EYS: variants seen among roughly 807,000 people sequenced by gnomAD.
EYS encodes the protein EGF-like photoreceptor maintenance factor.
In EYS, 250 loss-of-function variants were observed where a neutral mutation model predicts 282.1. The ratio of observed to expected loss-of-function variants is 0.89; its 90% CI spans 0.80 to 0.98. EYS has a LOEUF of 0.98. EYS is among the 50% of genes least tolerant of loss of function. The pLI is 0.00. For synonymous variants in EYS, 1,355 were observed against 1,282.9 expected (o/e 1.06, Z -1.20); for missense variants, 4,016 against 3,709.0 (o/e 1.08, Z -2.15).
At chr6:65,440,901 A>AAT (rs965467855) in intron 5 of EYS, among the ~76,000 whole-genome samples, 2 of 147,170 alleles carry the variant, frequency 1.4e-5, no homozygotes, top group African/African-American at 4.9e-5. Flanking sequence ...GTTTATGTAT[A>AAT]ATATATATAT....
chr6:64,914,172 C>A (rs1383210524), intron 15 of EYS, among the ~76,000 whole-genome samples: 1 of 151,970 alleles, frequency 6.6e-6, no homozygotes, highest in African/African-American at 2.4e-5. Context: ...TATAGTGAAG[C>A]CTGCAGATAG....
At chr6:63,767,612 C>A (rs1162639689) in intron 40 of EYS, among the ~76,000 whole-genome samples, 1 of 152,070 alleles carries the variant, frequency 6.6e-6, no homozygotes, top group Non-Finnish European at 1.5e-5. Flanking sequence ...ATTTCCTGCT[C>A]ATGGAAAGGA....
rs535508967 is a variant in EYS, at chr6:64,209,236, C to A, written c.6424+21356G>T. Among the ~76,000 whole-genome samples, 9 of 152,158 alleles carry A rather than the reference C, an allele frequency of 5.9e-5. No individual in the cohort carries two copies. In the East Asian group the frequency reaches 1.7e-3, roughly 29 times the overall value. ...GATACAGTAGCTTGAGTAAATCTAT[C>A]ACTCTATAATACATATTTTTCCTAG... On this transcript the variant is annotated intron_variant, in intron 31 of 42. Transcript: ENST00000503581.
At chr6:64,495,149 T>C (rs1382278687) in intron 26 of EYS, among the ~76,000 whole-genome samples, 1 of 151,754 alleles carries the variant, frequency 6.6e-6, no homozygotes, top group African/African-American at 2.4e-5. Context: ...CAGATTGCCC[T>C]ACTCACCCTG....
chr6:63,952,597 C>T (rs373429251), intron 35 of EYS, among the ~76,000 whole-genome samples: 25 of 152,118 alleles, frequency 1.6e-4, no homozygotes, highest in African/African-American at 5.8e-4. Context: ...TTCTTTTATG[C>T]ACTCCTTTTT....
intron 26 of EYS, among the ~76,000 whole-genome samples, chr6:64,584,748 A>G (rs1318430713): frequency 6.6e-6 from 1 of 152,136 alleles, no homozygotes; most frequent in African/African-American, 2.4e-5. Flanking sequence ...AACACTTAAT[A>G]ATCATATGTC....
In EYS at chr6:65,401,566, G is replaced by T. The variant is rs993170562; in HGVS notation, c.1184+912C>A. Among the ~76,000 whole-genome samples the T allele has an allele frequency of 2.6e-5, 4 of 151,490 alleles. No homozygotes were observed. The Admixed American group carries it at 2.6e-4, about 10-fold the overall frequency. On this transcript the variant is annotated intron_variant, in intron 7 of 42. Coordinates refer to ENST00000503581, the MANE Select transcript of EYS (RefSeq NM_001142800.2). The stretch of plus-strand genomic sequence containing the variant: ...AGGCATGCAAAAATTTGACAGAATG[G>T]ATTACAGTTTTCAATATCTTGATAT...
intron 14 of EYS, among the ~76,000 whole-genome samples, chr6:64,993,510 G>C (rs1771145213): frequency 6.8e-6 from 1 of 147,090 alleles, no homozygotes; most frequent in South Asian, 2.1e-4. Context: ...CTCACTCATA[G>C]GTGGGAATTG....
At chr6:64,662,744 A>G (rs1193276920) in intron 22 of EYS, among the ~76,000 whole-genome samples, 1 of 152,154 alleles carries the variant, frequency 6.6e-6, no homozygotes, top group African/African-American at 2.4e-5. Context: ...ATATATTGAG[A>G]TAGTTCCTAC....
intron 2 of EYS, among the ~76,000 whole-genome samples, chr6:65,605,565 A>T (rs1031564970): frequency 2.0e-5 from 3 of 151,952 alleles, no homozygotes; most frequent in African/African-American, 4.8e-5. Context: ...ATTTTCATAA[A>T]ACATTGAAAG....
chr6:65,148,684 A>T (rs1299279600), intron 12 of EYS, among the ~76,000 whole-genome samples: 2 of 152,062 alleles, frequency 1.3e-5, no homozygotes, highest in Admixed American at 1.3e-4. Flanking sequence ...GGGGACTCTG[A>T]ACCCACATTT....
chr6:65,318,638 A>ATG (rs1769381486), intron 11 of EYS, among the ~76,000 whole-genome samples: 1 of 147,652 alleles, frequency 6.8e-6, no homozygotes. Flanking sequence ...TATAATTTAT[A>ATG]TATATAATAT....
In EYS at chr6:65,003,887, G is replaced by T. The variant is rs1771547973; in HGVS notation, c.2138-6184C>A. On this transcript the variant is annotated intron_variant, in intron 13 of 42. Transcript: ENST00000503581. ...TTCTGTTTCTCCTTTTTATGCCTCA[G>T]CCACATTCTGTATATAATGTCATTT... is the stretch of plus-strand genomic sequence containing the variant. Among the ~76,000 whole-genome samples, 2 of 147,102 alleles carry T rather than the reference G, an allele frequency of 1.4e-5. 1 individual carries two copies.
chr6:65,200,892 C>G (rs926210583), intron 12 of EYS, among the ~76,000 whole-genome samples: 1 of 151,870 alleles, frequency 6.6e-6, no homozygotes, highest in African/African-American at 2.4e-5. Context: ...AGAAGAAAAA[C>G]TGTAATTCAT....
chr6:65,199,560 A>T (rs1364260588), intron 12 of EYS, among the ~76,000 whole-genome samples: 16 of 152,138 alleles, frequency 1.1e-4, no homozygotes, highest in African/African-American at 3.9e-4. Flanking sequence ...GTGCCATGAA[A>T]CCACTAGATG....
intron 41 of EYS, among the ~76,000 whole-genome samples, chr6:63,747,605 A>G (rs1313997735): frequency 2.6e-5 from 4 of 152,186 alleles, no homozygotes; most frequent in Non-Finnish European, 5.9e-5. Context: ...GGCTCTAAGA[A>G]CTTGTTATAT....
chr6:63,829,008 T>A (rs1283529649), intron 36 of EYS, among the ~76,000 whole-genome samples: 2 of 152,150 alleles, frequency 1.3e-5, no homozygotes, highest in African/African-American at 2.4e-5. Flanking sequence ...AAGTCATTAT[T>A]CAAAAAAGAT....
chr6:65,054,610 G>T (rs1773361761), intron 13 of EYS, among the ~76,000 whole-genome samples: 1 of 151,922 alleles, frequency 6.6e-6, no homozygotes, highest in African/African-American at 2.4e-5. Flanking sequence ...AATATAAACT[G>T]AATTAGAATG....
chr6:65,031,127 TATA>T (rs1458475943), intron 13 of EYS, among the ~76,000 whole-genome samples: 3 of 146,458 alleles, frequency 2.0e-5, no homozygotes, highest in African/African-American at 5.1e-5. Context: ...ACATATTATA[TATA>T]ATATTTTATA....
Sources: gnomAD v4.1 joint callset for allele counts (sites outside exome capture counted in the v4.1 genomes callset) on GRCh38, gnomAD v4.1.1 for gene constraint, MANE v1.5 for transcripts, NCBI Gene and HGNC (gene_info 2026-07-23, HGNC 2026-07-21) for gene names.